Variants in BCO2 observed in about 807,000 individuals in gnomAD.
BCO2 encodes beta-carotene oxygenase 2.
A neutral mutation model predicts 65.8 loss-of-function variants in BCO2; 56 were observed. The observed-to-expected ratio is 0.85, with a 90% confidence interval of 0.69 to 1.06. The LOEUF is 1.06. Among genes scored for constraint, BCO2 ranks in the 50% least tolerant of loss-of-function variants. The pLI, the probability that BCO2 is intolerant of heterozygous loss-of-function variation, is 0.00. For synonymous variants in BCO2, 233 were observed against 242.3 expected (o/e 0.96, Z 0.36); for missense variants, 675 against 698.5 (o/e 0.97, Z 0.38).
At chr11:112,195,910 C>T (rs117999998) in intron 5 of BCO2, among the ~76,000 whole-genome samples, 178 of 152,272 alleles carry the variant, frequency 1.2e-3, no homozygotes, top group Non-Finnish European at 1.9e-3. Flanking sequence ...TTAACATGGT[C>T]TCTGGGTGAT....
In BCO2 at chr11:112,199,719, C is replaced by G. The variant is rs759262486; in HGVS notation, c.757C>G (p.Arg253Gly). The part of the protein sequence containing the change: ...GPYGFSYKVI[R>G]VPPEKVDLGE... ...TTCAGGTTTCTCCTATAAGGTTATT[C>G]GGGTTCCTCCAGAGAAGGTGGACCT... is the stretch of plus-strand genomic sequence containing the variant. Residue 253 changes from arginine to glycine, a missense_variant, in exon 6 of 12, where the codon CGG becomes GGG. Coordinates refer to ENST00000357685, the MANE Select transcript of BCO2 (RefSeq NM_031938.7). 6.2e-7 allele frequency: 1 copy of G among 1,613,454 alleles called. No individual in the cohort carries two copies. The highest frequency in any genetic ancestry group is 1.3e-5 in the African/African-American group (1 of 74,902).
At chr11:112,205,549 G>C (rs1014971087) in intron 8 of BCO2, among the ~76,000 whole-genome samples, 1 of 152,158 alleles carries the variant, frequency 6.6e-6, no homozygotes, top group Non-Finnish European at 1.5e-5. Flanking sequence ...CAAACTCCTG[G>C]GAACACGTGA....
At chr11:112,191,164 G>A (rs149881672) in intron 2 of BCO2, among the ~76,000 whole-genome samples, 13 of 151,668 alleles carry the variant, frequency 8.6e-5, no homozygotes, top group Admixed American at 2.0e-4. Flanking sequence ...ATTGACCAGA[G>A]ACACAAGGAC....
In BCO2 at chr11:112,213,816, A is replaced by G; in HGVS notation, c.1287A>G (p.Pro429=). 6.2e-7 allele frequency: 1 copy of G among 1,613,378 alleles called. No individual in the cohort carries two copies. The highest frequency in any genetic ancestry group is 8.5e-7 in the Non-Finnish European group (1 of 1,179,696). Reference sequence around the variant, plus strand: ...CCCCTGAGGGAGACAACCTGAGTCCATTGTCCTATACTTCAGCCAGTGCTG... The same window carrying G: ...CCCCTGAGGGAGACAACCTGAGTCCGTTGTCCTATACTTCAGCCAGTGCTG... ...LNAPEGDNLS[P]LSYTSASAVK... Residue 429 remains proline, a synonymous_variant, in exon 9 of 12, where the codon CCA becomes CCG. Coordinates refer to ENST00000357685, the MANE Select transcript of BCO2 (RefSeq NM_031938.7).
chr11:112,205,881 G>A (rs2135386461), intron 8 of BCO2, among the ~76,000 whole-genome samples: 1 of 152,310 alleles, frequency 6.6e-6, no homozygotes, highest in East Asian at 1.9e-4. Context: ...TTACAAGTGT[G>A]AGCTACCACA....
At chr11:112,181,282 C>T (rs937204874) in intron 2 of BCO2, 19 of 549,870 alleles carry the variant, frequency 3.5e-5, no homozygotes, top group Admixed American at 9.2e-5. Context: ...CCCGGGTTCA[C>T]GCCATTCTCC....
At chr11:112,184,127 C>T (rs1867133768) in intron 2 of BCO2, among the ~76,000 whole-genome samples, 1 of 152,166 alleles carries the variant, frequency 6.6e-6, no homozygotes, top group South Asian at 2.1e-4. Context: ...ATAGGGCCAG[C>T]TTAGAAATAG....
intron 5 of BCO2, among the ~76,000 whole-genome samples, chr11:112,198,519 A>T: frequency 6.6e-6 from 1 of 152,076 alleles, no homozygotes; most frequent in East Asian, 1.9e-4. Flanking sequence ...AACAAGCAGA[A>T]AATTGTATAC....
intron 2 of BCO2, among the ~76,000 whole-genome samples, chr11:112,187,238 T>C (rs1156952206): frequency 2.6e-5 from 4 of 152,228 alleles, no homozygotes; most frequent in African/African-American, 9.6e-5. Context: ...GCCCAGACTT[T>C]ACCGTCAGTC....
chr11:112,203,847 AT>A (rs550079991), intron 8 of BCO2, among the ~76,000 whole-genome samples: 59 of 149,550 alleles, frequency 3.9e-4, no homozygotes, highest in African/African-American at 1.3e-3. Context: ...AGATCATGCA[AT>A]TTTTTTTTCT....
chr11:112,180,768 G>C, intron 2 of BCO2: 1 of 946,074 alleles, frequency 1.1e-6, no homozygotes, highest in Non-Finnish European at 1.8e-6. Flanking sequence ...AGTGGGGGCA[G>C]CGTGATGAGG....
chr11:112,206,223 C>G (rs1162880657), intron 8 of BCO2, among the ~76,000 whole-genome samples: 2 of 151,060 alleles, frequency 1.3e-5, no homozygotes, highest in Non-Finnish European at 2.9e-5. Flanking sequence ...AGAGGCGCTC[C>G]TCACTTCCCA....
intron 2 of BCO2, chr11:112,181,409 C>A (rs1867044460): frequency 1.7e-6 from 1 of 587,594 alleles, no homozygotes. Context: ...TCTCGATCTC[C>A]TGACCTCGTG....
At chr11:112,215,281 A>G in intron 10 of BCO2, 1 of 320,900 alleles carries the variant, frequency 3.1e-6, no homozygotes, top group South Asian at 3.0e-5. Flanking sequence ...CTGGGACTGC[A>G]AAGACTCCCT....
rs1252627193 is a variant in BCO2, at chr11:112,202,273, CT to C, written c.1194+84del. 2.1e-5 allele frequency: 23 copies of C among 1,111,120 alleles called. No homozygotes were observed. In the East Asian group the frequency reaches 5.8e-4, roughly 28 times the overall value. The allele number at this position is 1,111,120 out of a possible 1,614,324, so 68.8% of individuals were successfully genotyped here. A position where few individuals can be genotyped will look rare whatever the true frequency, so the allele number is the denominator to read the frequency against. On this transcript the variant is annotated intron_variant, in intron 8 of 11. Transcript: ENST00000357685. ...TTTGGCTTTGGAATTACATGTTTCT[CT>C]CTCTCTCTCTCTCTCTTTTTTCTTT...
intron 8 of BCO2, among the ~76,000 whole-genome samples, chr11:112,211,942 G>T (rs116336729): frequency 6.6e-6 from 1 of 152,100 alleles, no homozygotes; most frequent in East Asian, 1.9e-4. Flanking sequence ...TATTTGAAGC[G>T]TCTTTTGGGT....
intron 2 of BCO2, among the ~76,000 whole-genome samples, chr11:112,185,352 A>C (rs1867169285): frequency 6.6e-6 from 1 of 152,244 alleles, no homozygotes; most frequent in Non-Finnish European, 1.5e-5. Flanking sequence ...ATAACTCTTC[A>C]GTATAAATTT....
At chr11:112,187,179 C>T (rs1441377890) in intron 2 of BCO2, among the ~76,000 whole-genome samples, 1 of 152,212 alleles carries the variant, frequency 6.6e-6, no homozygotes, top group Non-Finnish European at 1.5e-5. Flanking sequence ...TCCTTCCTGT[C>T]CACTACCTTC....
intron 8 of BCO2, among the ~76,000 whole-genome samples, chr11:112,210,942 A>G (rs760069659): frequency 6.6e-6 from 1 of 152,126 alleles, no homozygotes; most frequent in East Asian, 1.9e-4. Flanking sequence ...TGGTGTAGAA[A>G]GTATATATAT....
Sources: allele counts gnomAD v4.1 joint callset (sites outside exome capture counted in the v4.1 genomes callset), GRCh38; gene constraint gnomAD v4.1.1; transcripts MANE v1.5; gene names NCBI Gene and HGNC (gene_info 2026-07-23, HGNC 2026-07-21).